NIPBL: variants seen among roughly 807,000 people sequenced by gnomAD.
NIPBL encodes nipped-B-like protein.
NIPBL carries 19 observed loss-of-function variants against 321.8 expected under a neutral mutation model. The observed-to-expected ratio is 0.06, with a 90% confidence interval of 0.04 to 0.09. The LOEUF (loss-of-function observed/expected upper bound fraction) is 0.09, where lower values mean the gene tolerates loss of function less well. Among genes scored for constraint, NIPBL ranks in the 10% least tolerant of loss-of-function variants. NIPBL has a pLI of 1.00. For synonymous variants in NIPBL, 1,106 were observed against 1,114.1 expected (o/e 0.99, Z 0.14); for missense variants, 2,210 against 3,327.0 (o/e 0.66, Z 8.26).
At chr5:37,053,549 T>C (rs553138537) in intron 42 of NIPBL, among the ~76,000 whole-genome samples, 101 of 152,302 alleles carry the variant, frequency 6.6e-4, no homozygotes, top group Middle Eastern at 3.4e-3. Flanking sequence ...GGATCTTGCT[T>C]TTCTCTCTCT....
intron 1 of NIPBL, among the ~76,000 whole-genome samples, chr5:36,950,930 A>C (rs184352181): frequency 6.2e-4 from 94 of 152,262 alleles, no homozygotes; most frequent in African/African-American, 2.0e-3. Context: ...AAAAGCTGTG[A>C]CTTTAGCTAA....
At chr5:36,989,088 G>A (rs536488923) in intron 10 of NIPBL, among the ~76,000 whole-genome samples, 2 of 152,060 alleles carry the variant, frequency 1.3e-5, no homozygotes, top group Non-Finnish European at 2.9e-5. Context: ...AAAAGCTTTT[G>A]TGTACAGATT....
chr5:36,982,302 A>G, intron 9 of NIPBL: 1 of 759,730 alleles, frequency 1.3e-6, no homozygotes, highest in South Asian at 6.0e-5. Context: ...GATGTAATGA[A>G]GACTCATAAC....
intron 6 of NIPBL, among the ~76,000 whole-genome samples, chr5:36,967,529 T>A (rs1742340306): frequency 6.6e-6 from 1 of 152,216 alleles, no homozygotes; most frequent in African/African-American, 2.4e-5. Context: ...ACTCTTTTTA[T>A]AAAGTTAAAT....
intron 1 of NIPBL, among the ~76,000 whole-genome samples, chr5:36,931,905 C>G (rs946417377): frequency 1.3e-5 from 2 of 151,184 alleles, no homozygotes; most frequent in African/African-American, 2.4e-5. Context: ...TGATTCGAGG[C>G]TGTTCTTTCT....
At chr5:36,910,441 T>C (rs1020845358) in intron 1 of NIPBL, among the ~76,000 whole-genome samples, 10 of 152,222 alleles carry the variant, frequency 6.6e-5, no homozygotes, top group African/African-American at 2.4e-4. Context: ...ATGTTTTAAC[T>C]GTTTCTCTGT....
At chr5:36,922,926 T>G (rs1749057618) in intron 1 of NIPBL, among the ~76,000 whole-genome samples, 1 of 152,134 alleles carries the variant, frequency 6.6e-6, no homozygotes, top group South Asian at 2.1e-4. Context: ...TTTCCAGTAT[T>G]ATCTCTGTAA....
At chr5:37,035,752 C>T (rs1751618213) in intron 32 of NIPBL, among the ~76,000 whole-genome samples, 1 of 152,078 alleles carries the variant, frequency 6.6e-6, no homozygotes, top group South Asian at 2.1e-4. Context: ...CTTCAATATC[C>T]CCAGAATTAG....
chr5:37,036,735 A>G (rs989994393), intron 33 of NIPBL, among the ~76,000 whole-genome samples: 3 of 151,488 alleles, frequency 2.0e-5, no homozygotes, highest in Non-Finnish European at 4.4e-5. Flanking sequence ...ATATCTTTTA[A>G]TAGCATATTA....
intron 9 of NIPBL, among the ~76,000 whole-genome samples, chr5:36,977,285 T>TA (rs1182568028): frequency 1.3e-5 from 2 of 152,022 alleles, no homozygotes; most frequent in Non-Finnish European, 2.9e-5. Flanking sequence ...TTTCAGTTCT[T>TA]ATATTTTATT....
rs1741724280 is a variant in NIPBL, at chr5:36,962,394, T to G, written c.610+120T>G. 12 of 1,007,118 alleles carry G rather than the reference T, an allele frequency of 1.2e-5. No homozygotes were observed. The East Asian group carries it at 3.1e-4, about 26-fold the overall frequency. The allele number at this position is 1,007,118 out of a possible 1,614,324, so 62.4% of individuals were successfully genotyped here. A position where few individuals can be genotyped will look rare whatever the true frequency, so the allele number is the denominator to read the frequency against. On this transcript the variant is annotated intron_variant, in intron 6 of 46. Coordinates refer to ENST00000282516, the MANE Select transcript of NIPBL (RefSeq NM_133433.4). ...AAATACTATACTGTATACTTGTCAG[T>G]AAACCTTTTTAAAGATATGGCTTAA...
chr5:37,056,989 T>TC (rs1229174477), intron 42 of NIPBL, among the ~76,000 whole-genome samples, 197 bp from the exon 43 acceptor site: 3 of 151,750 alleles, frequency 2.0e-5, no homozygotes, highest in Admixed American at 1.3e-4. Flanking sequence ...TTTCCCTTTT[T>TC]CCCCCCTCTA....
chr5:37,015,273 A>G (rs1196076579), intron 22 of NIPBL, among the ~76,000 whole-genome samples: 1 of 152,044 alleles, frequency 6.6e-6, no homozygotes, highest in East Asian at 2.0e-4. Flanking sequence ...ACAGGCATGC[A>G]CCACCATGGC....
In NIPBL at chr5:37,036,387, G is replaced by C. The variant is rs1751701924; in HGVS notation, c.5871G>C (p.Lys1957Asn). 1 of 1,260,912 alleles carries C rather than the reference G, an allele frequency of 7.9e-7. No individual in the cohort carries two copies. The highest frequency in any genetic ancestry group is 1.6e-5 in the African/African-American group (1 of 62,828). The allele number at this position is 1,260,912 out of a possible 1,614,324, so 78.1% of individuals were successfully genotyped here. Residue 1957 changes from lysine (K) to asparagine (N), a missense_variant, in exon 33 of 47, where the codon AAG becomes AAC. By Grantham distance (94) the Lys-to-Asn change is moderately conservative (BLOSUM62 0). Coordinates refer to ENST00000282516, the MANE Select transcript of NIPBL (RefSeq NM_133433.4). Reference protein sequence around the residue: ...WFEQLLQNLLKSEEDSSYKPV... With the variant: ...WFEQLLQNLLNSEEDSSYKPV... ...TATATATGTATATATAGTTGTTGAA[G>C]TCCGAAGAGGATTCCTCATATAAAC...
chr5:36,909,360 C>G (rs912216302), intron 1 of NIPBL, among the ~76,000 whole-genome samples: 6 of 152,176 alleles, frequency 3.9e-5, no homozygotes, highest in Non-Finnish European at 8.8e-5. Flanking sequence ...TCAGTGTATT[C>G]AGGAAACTAA....
chr5:37,051,799 T>C lies in NIPBL; in HGVS notation c.6975T>C (p.Ala2325=), dbSNP rs1400161680. The C allele has an allele frequency of 6.2e-7, 1 of 1,613,466 alleles. No homozygotes were observed. The highest frequency in any genetic ancestry group is 1.7e-5 in the Admixed American group (1 of 60,006). ...HPVQCVPYLI[A]MGTDPEPAMR... is the part of the protein sequence containing the mutation. ...TCCAGTGTGTGCCATATTTAATTGCTATGGGCACAGACCCAGAACCTGCTA... is the reference window on the plus strand; with the variant it reads ...TCCAGTGTGTGCCATATTTAATTGCCATGGGCACAGACCCAGAACCTGCTA... Residue 2325 remains alanine, a synonymous_variant, in exon 41 of 47, where the codon GCT becomes GCC. Coordinates refer to ENST00000282516, the MANE Select transcript of NIPBL (RefSeq NM_133433.4).
intron 39 of NIPBL, 138 bp from the exon 40 acceptor site, chr5:37,048,973 A>G: frequency 1.2e-6 from 1 of 840,062 alleles, no homozygotes; most frequent in South Asian, 1.4e-5. Context: ...ACACACACTC[A>G]CACACAGATT....
intron 45 of NIPBL, 66 bp from the exon 46 acceptor site, chr5:37,063,724 T>C: frequency 6.7e-7 from 1 of 1,496,188 alleles, no homozygotes; most frequent in Non-Finnish European, 9.1e-7. Context: ...AGAAAACATT[T>C]AGGAATTTGA....
intron 6 of NIPBL, among the ~76,000 whole-genome samples, chr5:36,966,869 A>G (rs1284500649): frequency 6.6e-6 from 1 of 152,068 alleles, no homozygotes; most frequent in East Asian, 1.9e-4. Context: ...TCATAAAATT[A>G]TAAGAAAAAC....
Sources: gnomAD v4.1 joint callset for allele counts (sites outside exome capture counted in the v4.1 genomes callset) on GRCh38, gnomAD v4.1.1 for gene constraint, MANE v1.5 for transcripts, NCBI Gene and HGNC (gene_info 2026-07-23, HGNC 2026-07-21) for gene names.